PDS5B: variants seen among roughly 807,000 people sequenced by gnomAD.
PDS5B encodes the protein PDS5 cohesin associated factor B, also known as sister chromatid cohesion protein PDS5 homolog B.
A neutral mutation model predicts 184.1 loss-of-function variants in PDS5B; 51 were observed. The observed-to-expected ratio is 0.28, with a 90% CI of 0.22 to 0.35. PDS5B has a LOEUF of 0.35. PDS5B is among the 10% of genes least tolerant of loss of function. The pLI is 1.00. For missense variants in PDS5B, 1,180 were observed against 1,723.3 expected, an observed-to-expected ratio of 0.68 and a Z score of 5.58; for synonymous variants, 566 against 569.2, an observed-to-expected ratio of 0.99 and a Z score of 0.08.
intron 1 of PDS5B, among the ~76,000 whole-genome samples, chr13:32,590,327 T>C (rs924120951): frequency 6.6e-6 from 1 of 152,168 alleles, no homozygotes; most frequent in Non-Finnish European, 1.5e-5. Context: ...AAAACTTCCA[T>C]ATACATACAG....
intron 1 of PDS5B, among the ~76,000 whole-genome samples, chr13:32,599,575 G>A (rs910946493): frequency 1.3e-5 from 2 of 149,802 alleles, no homozygotes; most frequent in African/African-American, 4.9e-5. Flanking sequence ...TATTTGATTT[G>A]TAAGTTGATA....
intron 6 of PDS5B, among the ~76,000 whole-genome samples, chr13:32,665,932 G>C (rs1300549736): frequency 6.6e-6 from 1 of 152,140 alleles, no homozygotes. Context: ...GTTTTCACTC[G>C]TGGGGGCTAA....
chr13:32,750,847 CTGTGTGTGTGTGTGTG>C (rs71194534), intron 24 of PDS5B, among the ~76,000 whole-genome samples: 19 of 143,530 alleles, frequency 1.3e-4, no homozygotes, highest in South Asian at 1.1e-3. Flanking sequence ...CGGCCTCCCT[CTGTGTGTGTGTGTGTG>C]TGTGTGTGTG....
chr13:32,672,232 A>G (rs750551951), intron 7 of PDS5B, among the ~76,000 whole-genome samples: 7 of 152,326 alleles, frequency 4.6e-5, no homozygotes, highest in South Asian at 2.1e-4. Context: ...ATTGCCTTCT[A>G]TGAAAATGTA....
intron 19 of PDS5B, among the ~76,000 whole-genome samples, chr13:32,713,895 G>A (rs763055355): frequency 1.3e-5 from 2 of 152,124 alleles, no homozygotes; most frequent in Non-Finnish European, 2.9e-5. Context: ...AGTTATATCG[G>A]GGAACCTGCC....
chr13:32,665,057 A>G (rs575106189), intron 6 of PDS5B, among the ~76,000 whole-genome samples: 3 of 152,314 alleles, frequency 2.0e-5, no homozygotes, highest in South Asian at 2.1e-4. Flanking sequence ...ACAAAGGGAC[A>G]TATGGAAATA....
rs542938836 is a variant in PDS5B at position 32,683,973 on chromosome 13, G to C, written c.1153G>C (p.Val385Leu). The C allele has an allele frequency of 1.3e-6, 2 of 1,587,608 alleles. No homozygotes were observed. The highest frequency in any genetic ancestry group is 2.3e-5 in the East Asian group (1 of 44,352). The change falls in exon 11 of 35, where the codon GTC becomes CTC. Residue 385 changes from valine (V) to leucine (L), a missense_variant. By Grantham distance (32) the Val-to-Leu change is conservative. This residue lies in a region of PDS5B where 475 missense variants were observed against 691.5 expected (regional missense o/e 0.69). Transcript: ENST00000315596. ...AGCTGCTAAAAAGGATATTCTTCTG[G>C]TCAATGATCACTTACTTAATTTTGT... ...VTAAKKDILL[V>L]NDHLLNFVRE...
chr13:32,715,812 C>T (rs1345333026), intron 19 of PDS5B, among the ~76,000 whole-genome samples: 4 of 151,412 alleles, frequency 2.6e-5, no homozygotes, highest in Admixed American at 6.6e-5. Flanking sequence ...GTGCGCGCCG[C>T]CACGCCTGAC....
intron 1 of PDS5B, among the ~76,000 whole-genome samples, chr13:32,640,122 A>T (rs1185101294): frequency 6.6e-6 from 1 of 152,202 alleles, no homozygotes; most frequent in African/African-American, 2.4e-5. Flanking sequence ...TATGTCTGAT[A>T]ATATTAAAGA....
intron 1 of PDS5B, among the ~76,000 whole-genome samples, chr13:32,647,940 G>A (rs1950268821): frequency 6.6e-6 from 1 of 152,140 alleles, no homozygotes; most frequent in African/African-American, 2.4e-5. Flanking sequence ...GGCAGGACTT[G>A]GATTTACTTA....
chr13:32,617,127 A>G (rs564049363), intron 1 of PDS5B, among the ~76,000 whole-genome samples: 2 of 152,316 alleles, frequency 1.3e-5, no homozygotes, highest in East Asian at 3.9e-4. Context: ...ATTCTGAGCT[A>G]CGGTCAGACC....
intron 10 of PDS5B, 96 bp from the exon 11 acceptor site, chr13:32,683,782 T>C: frequency 1.3e-6 from 1 of 740,940 alleles, no homozygotes; most frequent in Non-Finnish European, 2.2e-6. Flanking sequence ...TATGTAGGTA[T>C]TGTTTTGCTA....
chr13:32,760,242 A>T (rs189425210), intron 29 of PDS5B, among the ~76,000 whole-genome samples: 7 of 152,226 alleles, frequency 4.6e-5, no homozygotes, highest in African/African-American at 1.7e-4. Context: ...GGCGTGAGCC[A>T]CTGCACCCGG....
intron 6 of PDS5B, among the ~76,000 whole-genome samples, chr13:32,665,649 T>A (rs1566302489): frequency 7.4e-6 from 1 of 134,244 alleles, no homozygotes; most frequent in Non-Finnish European, 1.6e-5. Context: ...AAGATAGGAA[T>A]GAATTTCTTA....
chr13:32,747,586 CAA>C (rs5802658), intron 24 of PDS5B, among the ~76,000 whole-genome samples: 31 of 106,568 alleles, frequency 2.9e-4, no homozygotes, highest in Admixed American at 6.8e-4. Flanking sequence ...GACTCCATCT[CAA>C]AAAAAAAAAA....
intron 1 of PDS5B, among the ~76,000 whole-genome samples, chr13:32,610,902 A>G (rs1270066333): frequency 6.6e-6 from 1 of 152,072 alleles, no homozygotes; most frequent in African/African-American, 2.4e-5. Context: ...TTAGTATTAT[A>G]CCATGCTGCC....
chr13:32,748,626 C>T (rs1423131615), intron 24 of PDS5B, among the ~76,000 whole-genome samples: 1 of 152,046 alleles, frequency 6.6e-6, no homozygotes, highest in African/African-American at 2.4e-5. Context: ...AAGTGCTAAA[C>T]AGAAATTTTA....
chr13:32,592,395 A>G (rs1593226753), intron 1 of PDS5B, among the ~76,000 whole-genome samples: 1 of 152,108 alleles, frequency 6.6e-6, no homozygotes, highest in Non-Finnish European at 1.5e-5. Context: ...AGCTGGGACT[A>G]CAGGTGCACG....
At chr13:32,658,760 G>A (rs1035653842) in intron 5 of PDS5B, among the ~76,000 whole-genome samples, 1 of 152,044 alleles carries the variant, frequency 6.6e-6, no homozygotes, top group Non-Finnish European at 1.5e-5. Flanking sequence ...TTTTTGGATT[G>A]CATTATTTGT....
Sources: gnomAD v4.1 joint callset for allele counts (sites outside exome capture counted in the v4.1 genomes callset) on GRCh38, gnomAD v4.1.1 for gene constraint, gnomAD v4.1.1 regional missense constraint, MANE v1.5 for transcripts, NCBI Gene and HGNC (gene_info 2026-07-23, HGNC 2026-07-21) for gene names.